The following CCDC3 variants were observed in gnomAD, a reference collection of about 807,000 sequenced individuals.
CCDC3 encodes coiled-coil domain-containing protein 3.
A neutral mutation model predicts 21.4 loss-of-function variants in CCDC3; 24 were observed. The observed-to-expected ratio is 1.12, with a 90% CI of 0.81 to 1.58. CCDC3 has a LOEUF of 1.58. CCDC3 is among the 40% of genes most tolerant of loss of function. CCDC3 has a pLI of 0.00. For missense variants in CCDC3, 425 were observed against 360.9 expected, an observed-to-expected ratio of 1.18 and a Z score of -1.44; for synonymous variants, 186 against 166.0, an observed-to-expected ratio of 1.12 and a Z score of -0.93.
At chr10:13,029,146 A>G (rs546420853) in intron 5 of CCDC3, among the ~76,000 whole-genome samples, 2 of 152,232 alleles carry the variant, frequency 1.3e-5, no homozygotes, top group South Asian at 2.1e-4. Flanking sequence ...TGCCCACTCT[A>G]CGGTTTTCAC....
At chr10:13,066,690 AGATGAGG>A (rs113069434) in intron 4 of CCDC3, among the ~76,000 whole-genome samples, 1,770 of 152,290 alleles carry the variant, frequency 0.012, 30 homozygotes, top group African/African-American at 0.04. Context: ...GCTTTTGTGC[AGATGAGG>A]GAACCTGCCC....
chr10:12,937,915 A>C (rs376489784), intron 2 of CCDC3, among the ~76,000 whole-genome samples: 1 of 152,066 alleles, frequency 6.6e-6, no homozygotes, highest in Non-Finnish European at 1.5e-5. Context: ...ATCACCCAAG[A>C]TTTTGGTCCC....
At chr10:13,023,667 G>A (rs1396051451) in intron 5 of CCDC3, among the ~76,000 whole-genome samples, 1 of 152,072 alleles carries the variant, frequency 6.6e-6, no homozygotes, top group Non-Finnish European at 1.5e-5. Flanking sequence ...AGGGCCACCA[G>A]AGCACTCTCT....
Position 12,904,468 on chromosome 10 carries a change from T to TAAAAAAAAAAAAAAAAA in CCDC3, c.550-5806_550-5790dup, listed in dbSNP as rs55772750. On this transcript the variant is annotated intron_variant, in intron 2 of 2. Transcript: ENST00000378825. ...TAAGTTACAGAGCAAAAGCCAGTCT[T>TAAAAAAAAAAAAAAAAA]AAAAAAAAAAAAAAAAAAAAAAAGA... Among the ~76,000 whole-genome samples, 18 of 40,918 alleles carry TAAAAAAAAAAAAAAAAA rather than the reference T, an allele frequency of 4.4e-4. 3 individuals are homozygous for TAAAAAAAAAAAAAAAAA. Among genetic ancestry groups the TAAAAAAAAAAAAAAAAA allele is most frequent in the African/African-American group, 1.4e-3 (15 of 11,070 alleles). 26.8% of individuals were successfully genotyped at this position (40,918 alleles called of 152,430 possible).
chr10:13,071,424 T>C (rs919675238), intron 4 of CCDC3, among the ~76,000 whole-genome samples: 1 of 152,142 alleles, frequency 6.6e-6, no homozygotes, highest in Non-Finnish European at 1.5e-5. Context: ...ACAGCACAGG[T>C]GAGCATGACT....
chr10:12,958,110 A>G (rs916488516), intron 2 of CCDC3, among the ~76,000 whole-genome samples: 5 of 152,132 alleles, frequency 3.3e-5, no homozygotes, highest in Non-Finnish European at 5.9e-5. Flanking sequence ...TACAGGCTTG[A>G]GCCCCTATTC....
chr10:13,089,089 T>A (rs17152834), intron 3 of CCDC3, among the ~76,000 whole-genome samples: 5 of 151,786 alleles, frequency 3.3e-5, no homozygotes, highest in South Asian at 2.1e-4. Context: ...ACAAATTCCC[T>A]CCTCAAATTC....
At chr10:13,018,935 C>T (rs1357500745) in intron 5 of CCDC3, among the ~76,000 whole-genome samples, 1 of 141,586 alleles carries the variant, frequency 7.1e-6, no homozygotes, top group Non-Finnish European at 1.5e-5. Flanking sequence ...GGAACTCTGT[C>T]TCAAAAAAGG....
chr10:12,917,645 C>A (rs957898862), intron 2 of CCDC3, among the ~76,000 whole-genome samples: 2 of 152,178 alleles, frequency 1.3e-5, no homozygotes, highest in African/African-American at 4.8e-5. Context: ...CTTTTGTCAT[C>A]TTGCTGACAT....
chr10:12,941,141 A>G (rs1834824146), intron 2 of CCDC3, among the ~76,000 whole-genome samples: 1 of 152,194 alleles, frequency 6.6e-6, no homozygotes, highest in Non-Finnish European at 1.5e-5. Context: ...GGTTGCAGTA[A>G]ACAAGCGGCT....
At chr10:13,000,718 A>G (rs1049759703) in intron 1 of CCDC3, among the ~76,000 whole-genome samples, 1 of 152,220 alleles carries the variant, frequency 6.6e-6, no homozygotes, top group African/African-American at 2.4e-5. Flanking sequence ...TTCCTCACTC[A>G]ACCAGCCCTG....
chr10:13,054,127 A>G (rs1256189210), intron 4 of CCDC3, among the ~76,000 whole-genome samples: 3 of 112,270 alleles, frequency 2.7e-5, no homozygotes, highest in Non-Finnish European at 4.3e-5. Flanking sequence ...CCTGGGTGAC[A>G]GAGAGAGAGA....
chr10:13,029,487 A>C (rs1299250812), intron 5 of CCDC3, among the ~76,000 whole-genome samples: 1 of 152,194 alleles, frequency 6.6e-6, no homozygotes, highest in Non-Finnish European at 1.5e-5. Context: ...ACAGAGAATG[A>C]CTTTGACAAG....
At chr10:12,917,180 C>CTTTTTTTTTTTTTTT (rs56054100) in intron 2 of CCDC3, among the ~76,000 whole-genome samples, 6 of 58,224 alleles carry the variant, frequency 1.0e-4, no homozygotes, top group African/African-American at 4.1e-4. Flanking sequence ...ATTTCTTCTT[C>CTTTTTTTTTTTTTTT]TTTTTTTTTT....
chr10:13,083,116 C>A (rs1313457791), intron 3 of CCDC3, among the ~76,000 whole-genome samples: 1 of 152,106 alleles, frequency 6.6e-6, no homozygotes, highest in Non-Finnish European at 1.5e-5. Context: ...GCAGTGAGTT[C>A]AGGCACTTCC....
intron 5 of CCDC3, among the ~76,000 whole-genome samples, chr10:13,034,977 G>A (rs897071700): frequency 1.3e-5 from 2 of 150,390 alleles, no homozygotes; most frequent in Admixed American, 6.7e-5. Context: ...AGTGAGCCAA[G>A]ATCACGCCAT....
intron 3 of CCDC3, among the ~76,000 whole-genome samples, chr10:13,093,477 C>G (rs1420639316): frequency 6.6e-6 from 1 of 152,126 alleles, no homozygotes; most frequent in Non-Finnish European, 1.5e-5. Flanking sequence ...TATCACCAGC[C>G]AAGTATTAAG....
At chr10:12,908,750 G>A (rs897703706) in intron 2 of CCDC3, among the ~76,000 whole-genome samples, 6 of 151,778 alleles carry the variant, frequency 4.0e-5, no homozygotes, top group Non-Finnish European at 8.8e-5. Flanking sequence ...ATGCCACCAT[G>A]CCCGGCTACT....
intron 2 of CCDC3, among the ~76,000 whole-genome samples, chr10:12,901,137 T>C (rs924233556): frequency 2.0e-5 from 3 of 152,194 alleles, no homozygotes; most frequent in African/African-American, 7.2e-5. Flanking sequence ...TGTCCTGGGG[T>C]AGGCTACAGC....
Sources: gnomAD v4.1 joint callset for allele counts (sites outside exome capture counted in the v4.1 genomes callset) on GRCh38, gnomAD v4.1.1 for gene constraint, MANE v1.5 for transcripts, NCBI Gene and HGNC (gene_info 2026-07-23, HGNC 2026-07-21) for gene names.